The following ZBBX variants were observed in gnomAD, a reference collection of about 807,000 sequenced individuals.
ZBBX encodes the protein zinc finger B-box domain-containing protein 1.
ZBBX carries 101 observed loss-of-function variants against 108.5 expected under a neutral mutation model. The ratio of observed to expected loss-of-function variants is 0.93; its 90% CI spans 0.79 to 1.10. The LOEUF is 1.10. Among genes scored for constraint, ZBBX ranks in the 50% least tolerant of loss-of-function variants. ZBBX has a pLI of 0.00. For missense variants in ZBBX, 1,009 were observed against 941.4 expected (o/e 1.07, Z -0.94); for synonymous variants, 356 against 323.4 (o/e 1.10, Z -1.08).
chr3:167,273,529 A>T (rs528128267), intron 20 of ZBBX, among the ~76,000 whole-genome samples: 19 of 152,258 alleles, frequency 1.2e-4, no homozygotes, highest in Non-Finnish European at 2.2e-4. Flanking sequence ...CGTGTCTCTC[A>T]TGACAGGGGG....
chr3:167,360,514 C>G (rs557199785), intron 7 of ZBBX, among the ~76,000 whole-genome samples, 161 bp downstream of exon 7: 1 of 151,888 alleles, frequency 6.6e-6, no homozygotes, highest in South Asian at 2.1e-4. Context: ...CCCCCCTAAC[C>G]ACCCGAATAA....
chr3:167,388,131 G>C (rs1310476859), intron 1 of ZBBX, among the ~76,000 whole-genome samples: 1 of 151,890 alleles, frequency 6.6e-6, no homozygotes, highest in Non-Finnish European at 1.5e-5. Context: ...ATTTTAGGTG[G>C]AATAGTCACA....
At chr3:167,375,253 T>G (rs983039562) in intron 2 of ZBBX, among the ~76,000 whole-genome samples, 1 of 152,190 alleles carries the variant, frequency 6.6e-6, no homozygotes, top group African/African-American at 2.4e-5. Context: ...ATGCAACCAC[T>G]GATTGAAAAC....
intron 15 of ZBBX, among the ~76,000 whole-genome samples, chr3:167,314,474 A>G (rs1490631808): frequency 1.3e-5 from 2 of 152,190 alleles, no homozygotes; most frequent in East Asian, 3.8e-4. Flanking sequence ...CTTTACTACT[A>G]GATAAACATA....
the ZBBX span, among the ~76,000 whole-genome samples, chr3:167,188,276 C>T: frequency 6.6e-6 from 1 of 151,988 alleles, no homozygotes; most frequent in Non-Finnish European, 1.5e-5. Flanking sequence ...CTGCTTCTGA[C>T]CTTTTAGTAA....
At chr3:167,312,184 A>G (rs1734704288) in intron 16 of ZBBX, among the ~76,000 whole-genome samples, 1 of 152,164 alleles carries the variant, frequency 6.6e-6, no homozygotes, top group African/African-American at 2.4e-5. Context: ...CCAATTATTA[A>G]AGGCTATGTA....
At chr3:167,393,613 C>T (rs1316681828) in intron 1 of ZBBX, among the ~76,000 whole-genome samples, 1 of 151,762 alleles carries the variant, frequency 6.6e-6, no homozygotes, top group Non-Finnish European at 1.5e-5. Flanking sequence ...CAGTCATTGC[C>T]TCAATTAGTT....
At chr3:167,181,528 C>A in the ZBBX span, among the ~76,000 whole-genome samples, 1 of 152,184 alleles carries the variant, frequency 6.6e-6, no homozygotes, top group Admixed American at 6.5e-5. Context: ...ATCTAACAAA[C>A]TTTTACATTT....
At chr3:167,351,741 G>A (rs1278813297) in intron 8 of ZBBX, among the ~76,000 whole-genome samples, 1 of 152,158 alleles carries the variant, frequency 6.6e-6, no homozygotes, top group Non-Finnish European at 1.5e-5. Context: ...TACCCCAAGG[G>A]TCTGAGTCCT....
At chr3:167,235,579 T>A (rs1436448450), downstream of ZBBX, among the ~76,000 whole-genome samples, 1 of 151,566 alleles carries the variant, frequency 6.6e-6, no homozygotes, top group Admixed American at 6.6e-5. Flanking sequence ...TATTGATTCC[T>A]TCTGGCAGAA....
At chr3:167,381,075 C>T (rs1012202550), upstream of ZBBX, among the ~76,000 whole-genome samples, 6 of 152,166 alleles carry the variant, frequency 3.9e-5, no homozygotes, top group South Asian at 6.2e-4. Flanking sequence ...CACATTGCAT[C>T]TGTCTCGGTA....
intron 16 of ZBBX, 141 bp downstream of exon 16, chr3:167,313,833 T>G: frequency 5.3e-6 from 4 of 757,090 alleles, no homozygotes; most frequent in Non-Finnish European, 7.8e-6. Context: ...TACTAGAAAA[T>G]TATATTTTCA....
At chr3:167,335,185 CAT>C (rs1228814105) in intron 9 of ZBBX, among the ~76,000 whole-genome samples, 2 of 151,888 alleles carry the variant, frequency 1.3e-5, no homozygotes, top group Non-Finnish European at 2.9e-5. Context: ...AAGGAAAAAA[CAT>C]ATATATTTTA....
At chr3:167,255,216 T>G (rs1172945793) in intron 20 of ZBBX, among the ~76,000 whole-genome samples, 1 of 151,996 alleles carries the variant, frequency 6.6e-6, no homozygotes, top group Non-Finnish European at 1.5e-5. Flanking sequence ...AGCACCATAT[T>G]CAGGGTCAGA....
intron 20 of ZBBX, among the ~76,000 whole-genome samples, chr3:167,276,300 G>C (rs972952870): frequency 2.6e-5 from 4 of 151,420 alleles, no homozygotes; most frequent in African/African-American, 9.8e-5. Context: ...TCCGCGCTAC[G>C]GGAGAACATT....
chr3:167,345,116 C>T (rs1239549292), intron 9 of ZBBX, among the ~76,000 whole-genome samples: 4 of 151,924 alleles, frequency 2.6e-5, no homozygotes, highest in Admixed American at 6.6e-5. Flanking sequence ...TACAGTTTTA[C>T]GCTATTTCAG....
At chr3:167,332,329 T>A (rs1174478308) in intron 10 of ZBBX, among the ~76,000 whole-genome samples, 3 of 151,740 alleles carry the variant, frequency 2.0e-5, no homozygotes, top group African/African-American at 7.3e-5. Context: ...CCCACGGAGA[T>A]GCTGAACTCA....
intron 3 of ZBBX, among the ~76,000 whole-genome samples, 198 bp from the exon 4 acceptor site, chr3:167,373,148 T>A (rs888499698): frequency 3.9e-5 from 6 of 152,106 alleles, no homozygotes; most frequent in African/African-American, 1.4e-4. Context: ...ATCAAAAATA[T>A]TAGAATAAAA....
intron 8 of ZBBX, among the ~76,000 whole-genome samples, chr3:167,352,530 C>G (rs1379025650): frequency 1.3e-5 from 2 of 151,924 alleles, no homozygotes; most frequent in Non-Finnish European, 2.9e-5. Context: ...CAGACAGATT[C>G]ACAGCAAATT....
Sources: gnomAD v4.1 joint callset for allele counts (sites outside exome capture counted in the v4.1 genomes callset) on GRCh38, gnomAD v4.1.1 for gene constraint, MANE v1.5 for transcripts, NCBI Gene and HGNC (gene_info 2026-07-23, HGNC 2026-07-21) for gene names.